Variants in TAFA5 observed in about 807,000 individuals in gnomAD.
The protein encoded by TAFA5 is chemokine-like protein TAFA-5.
In TAFA5, 6 loss-of-function variants were observed where a neutral mutation model predicts 15.3. The ratio of observed to expected loss-of-function variants is 0.39; its 90% CI spans 0.21 to 0.77. The LOEUF (loss-of-function observed/expected upper bound fraction) is 0.77, where lower values mean the gene tolerates loss of function less well. TAFA5 is among the 30% of genes least tolerant of loss of function. The pLI is 0.41. For missense variants in TAFA5, 161 were observed against 193.1 expected (o/e 0.83, Z 0.98); for synonymous variants, 103 against 80.7 (o/e 1.28, Z -1.48).
At chr22:48,507,370 T>C (rs1467805531) in intron 1 of TAFA5, among the ~76,000 whole-genome samples, 5 of 152,176 alleles carry the variant, frequency 3.3e-5, no homozygotes, top group African/African-American at 1.2e-4. Flanking sequence ...TGGGAGGGCA[T>C]GAGTTGAAGC....
rs372377028 is a variant in TAFA5 at position 48,749,903 on chromosome 22, G to A, written c.*56G>A. 4.9e-5 allele frequency: 74 copies of A among 1,507,808 alleles called. No individual in the cohort carries two copies. Among genetic ancestry groups the A allele is most frequent in the Non-Finnish European group, 6.1e-5 (68 of 1,108,794 alleles). 93.4% of individuals were successfully genotyped at this position (1,507,808 alleles called of 1,614,324 possible). On this transcript the variant is annotated 3_prime_UTR_variant, in exon 4 of 4. Transcript: ENST00000402357. ...GGCCTTGGCTCCCTGGAGAGCCCAC[G>A]TCTCAGCCACAGTTCTCCACTCGCC...
At chr22:48,737,642 G>T (rs895071901) in intron 3 of TAFA5, among the ~76,000 whole-genome samples, 1 of 152,222 alleles carries the variant, frequency 6.6e-6, no homozygotes, top group African/African-American at 2.4e-5. Flanking sequence ...AAGTGGCAGA[G>T]CCACGTCCTT....
Position 48,489,658 on chromosome 22 carries a change from T to C in TAFA5, c.66T>C (p.Thr22=), listed in dbSNP as rs1928069867. ...DATALPSMSS[T]FWAFMILASL... ...CCGCCCTGCCCAGCATGTCCTCAAC[T>C]TTCTGGGCGTTCATGATCCTGGCCA... Residue 22 remains threonine, a synonymous_variant, in exon 1 of 4, where the codon ACT becomes ACC. Coordinates refer to ENST00000402357, the MANE Select transcript of TAFA5 (RefSeq NM_001082967.3). This position sits in a 1 kb window ranked among gnomAD's most constrained non-coding sequence, Gnocchi z 5.5. 1 of 1,531,334 alleles carries C rather than the reference T, an allele frequency of 6.5e-7. No homozygotes were observed. The highest frequency in any genetic ancestry group is 8.8e-7 in the Non-Finnish European group (1 of 1,139,504). The allele number at this position is 1,531,334 out of a possible 1,614,324, so 94.9% of individuals were successfully genotyped here.
chr22:48,595,736 C>G (rs975032344), intron 1 of TAFA5, among the ~76,000 whole-genome samples: 1 of 152,254 alleles, frequency 6.6e-6, no homozygotes, highest in African/African-American at 2.4e-5. Context: ...CTGTTTAATT[C>G]GTGTCTACAC....
intron 2 of TAFA5, among the ~76,000 whole-genome samples, chr22:48,656,176 C>G (rs1455135573): frequency 6.6e-6 from 1 of 152,074 alleles, no homozygotes; most frequent in East Asian, 1.9e-4. Flanking sequence ...TGCTTGCTCT[C>G]TAGAGTCTGC....
intron 1 of TAFA5, among the ~76,000 whole-genome samples, chr22:48,531,821 G>A (rs1368776927): frequency 1.3e-5 from 2 of 152,196 alleles, no homozygotes; most frequent in Non-Finnish European, 2.9e-5. Context: ...CCTGGAGGAA[G>A]AGACAGCAGG....
At chr22:48,664,313 A>G (rs902445205) in intron 2 of TAFA5, among the ~76,000 whole-genome samples, 1 of 152,144 alleles carries the variant, frequency 6.6e-6, no homozygotes, top group African/African-American at 2.4e-5. Context: ...ATGTAAGGAA[A>G]GTCCCCCAGA....
chr22:48,638,430 ACAGG>A (rs145764995), intron 1 of TAFA5, among the ~76,000 whole-genome samples: 6,807 of 83,574 alleles, frequency 0.081, 9 homozygotes, highest in Non-Finnish European at 0.13. Flanking sequence ...GACACCGCAC[ACAGG>A]CAGCACCCCT....
intron 2 of TAFA5, among the ~76,000 whole-genome samples, chr22:48,676,148 C>T (rs942941625): frequency 5.3e-5 from 8 of 152,262 alleles, no homozygotes; most frequent in African/African-American, 1.9e-4. Context: ...CTCAAAGATC[C>T]AGCCGTGTCC....
Position 48,628,033 on chromosome 22 carries a change from T to TCAGGCTGGGACCTGCTGTCTCTGCAAGC in TAFA5, c.113-18554_113-18527dup, listed in dbSNP as rs576288574. On this transcript the variant is annotated intron_variant, in intron 1 of 3. Transcript: ENST00000402357. ...CCCGGAGCGGAGGATGCGATCCTGG[T>TCAGGCTGGGACCTGCTGTCTCTGCAAGC]CAGGCTGGGACCTGCTGTCTCTGCA... Among the ~76,000 whole-genome samples, 447 of 152,218 alleles carry TCAGGCTGGGACCTGCTGTCTCTGCAAGC rather than the reference T, an allele frequency of 2.9e-3. 5 individuals are homozygous for TCAGGCTGGGACCTGCTGTCTCTGCAAGC. Among genetic ancestry groups the TCAGGCTGGGACCTGCTGTCTCTGCAAGC allele is most frequent in the East Asian group, 2.7e-3 (14 of 5,182 alleles).
intron 2 of TAFA5, among the ~76,000 whole-genome samples, chr22:48,672,528 G>A (rs1927834084): frequency 6.6e-6 from 1 of 152,212 alleles, no homozygotes; most frequent in South Asian, 2.1e-4. Flanking sequence ...ATGATTTGTT[G>A]TGTGTGATAC....
intron 2 of TAFA5, among the ~76,000 whole-genome samples, chr22:48,703,080 C>T (rs527665813): frequency 9.2e-5 from 14 of 152,018 alleles, no homozygotes; most frequent in African/African-American, 2.7e-4. Flanking sequence ...TGTGCGTGAA[C>T]GTGTGTGCAT....
intron 1 of TAFA5, among the ~76,000 whole-genome samples, chr22:48,585,766 A>G (rs1034099387): frequency 4.0e-5 from 6 of 151,896 alleles, no homozygotes; most frequent in Non-Finnish European, 7.4e-5. Context: ...CCAAATACGC[A>G]TACCACACAC....
intron 3 of TAFA5, among the ~76,000 whole-genome samples, chr22:48,708,200 C>T (rs1029562275): frequency 1.3e-5 from 2 of 152,170 alleles, no homozygotes; most frequent in South Asian, 2.1e-4. Context: ...AGGAGGCATC[C>T]GCCCCTCCTG....
At chr22:48,578,549 C>T (rs191001047) in intron 1 of TAFA5, among the ~76,000 whole-genome samples, 4 of 152,166 alleles carry the variant, frequency 2.6e-5, no homozygotes, top group Non-Finnish European at 5.9e-5. Flanking sequence ...ACACGTGTGT[C>T]GGTGTTGTGG....
intron 3 of TAFA5, among the ~76,000 whole-genome samples, chr22:48,721,189 G>A (rs1394723175): frequency 1.3e-5 from 2 of 152,220 alleles, no homozygotes; most frequent in South Asian, 2.1e-4. Flanking sequence ...ATAGAGTCCC[G>A]CCTTAGACAC....
In TAFA5 at chr22:48,506,958, G is replaced by A. The variant is rs1215708235; in HGVS notation, c.112+17254G>A. Among the ~76,000 whole-genome samples the A allele has an allele frequency of 4.6e-5, 7 of 152,204 alleles. No homozygotes were observed. In the East Asian group the frequency reaches 1.2e-3, roughly 25 times the overall value. ...GAGCCTGCAGAAGGCATCCCCTCCA[G>A]CCCACAGCAGAGGGGGGACTGGGCA... is the stretch of plus-strand genomic sequence containing the variant. On this transcript the variant is annotated intron_variant, in intron 1 of 3. Coordinates refer to ENST00000402357, the MANE Select transcript of TAFA5 (RefSeq NM_001082967.3).
At chr22:48,652,006 C>T (rs983731135) in intron 2 of TAFA5, among the ~76,000 whole-genome samples, 1 of 152,164 alleles carries the variant, frequency 6.6e-6, no homozygotes, top group East Asian at 1.9e-4. Context: ...CGTTGTTGAC[C>T]GTCATCATGC....
chr22:48,640,337 C>T (rs907973740), intron 1 of TAFA5, among the ~76,000 whole-genome samples: 14 of 152,192 alleles, frequency 9.2e-5, no homozygotes, highest in African/African-American at 3.1e-4. Context: ...CAGCACCCAC[C>T]GCCCCCTGCA....
Sources: allele counts gnomAD v4.1 joint callset (sites outside exome capture counted in the v4.1 genomes callset), GRCh38; gene constraint gnomAD v4.1.1; non-coding constraint Gnocchi (gnomAD v3.1); transcripts MANE v1.5; gene names NCBI Gene and HGNC (gene_info 2026-07-23, HGNC 2026-07-21).